RGL1: variants seen among roughly 807,000 people sequenced by gnomAD.
The protein encoded by RGL1 is ral guanine nucleotide dissociation stimulator-like 1.
RGL1 carries 24 observed loss-of-function variants against 95.2 expected under a neutral mutation model. That is an observed-to-expected ratio of 0.25 (90% CI 0.18 to 0.35). The LOEUF is 0.35. RGL1 is among the 10% of genes least tolerant of loss of function. The pLI is 1.00. For synonymous variants in RGL1, 329 were observed against 344.9 expected (o/e 0.95, Z 0.51); for missense variants, 715 against 936.3 (o/e 0.76, Z 3.08).
intron 3 of RGL1, among the ~76,000 whole-genome samples, chr1:183,862,544 T>C (rs1048617951): frequency 1.3e-5 from 2 of 152,270 alleles, no homozygotes; most frequent in African/African-American, 4.8e-5. Context: ...ATCTCAACTT[T>C]AACATCTTAA....
At chr1:183,857,457 A>G (rs1374181924) in intron 3 of RGL1, among the ~76,000 whole-genome samples, 1 of 152,184 alleles carries the variant, frequency 6.6e-6, no homozygotes, top group African/African-American at 2.4e-5. Flanking sequence ...GAAACAAGGA[A>G]TTCTTGTCAG....
intron 2 of RGL1, among the ~76,000 whole-genome samples, chr1:183,829,472 C>T (rs1412819959): frequency 6.6e-6 from 1 of 150,694 alleles, no homozygotes; most frequent in Non-Finnish European, 1.5e-5. Context: ...TCGTGATCAA[C>T]ATTTAGGAAA....
chr1:183,721,848 A>C (rs1656029449), intron 1 of RGL1, among the ~76,000 whole-genome samples: 1 of 152,212 alleles, frequency 6.6e-6, no homozygotes, highest in African/African-American at 2.4e-5. Context: ...TTTTACTTTA[A>C]GACACTTATC....
intron 2 of RGL1, among the ~76,000 whole-genome samples, chr1:183,770,111 A>G (rs928233282): frequency 6.6e-6 from 1 of 152,200 alleles, no homozygotes; most frequent in African/African-American, 2.4e-5. Context: ...GCATGTCCAG[A>G]CTGAAACAGT....
chr1:183,914,054 A>G (rs1258142247), intron 15 of RGL1, among the ~76,000 whole-genome samples: 1 of 152,158 alleles, frequency 6.6e-6, no homozygotes, highest in Non-Finnish European at 1.5e-5. Context: ...CAGTCTCATC[A>G]TTCACTTTTT....
intron 1 of RGL1, chr1:183,648,275 C>G: frequency 6.2e-7 from 1 of 1,614,150 alleles, no homozygotes; most frequent in East Asian, 2.2e-5. Context: ...CTTCGCGGTT[C>G]CATGCTGAGG....
At chr1:183,647,617 T>A in intron 1 of RGL1, 1 of 1,504,570 alleles carries the variant, frequency 6.6e-7, no homozygotes, top group Non-Finnish European at 8.8e-7. Flanking sequence ...AGTTTCCAGA[T>A]TTTTATTGCC....
At chr1:183,871,786 AGATT>A (rs1276143356) in intron 4 of RGL1, among the ~76,000 whole-genome samples, 2 of 152,252 alleles carry the variant, frequency 1.3e-5, no homozygotes, top group African/African-American at 4.8e-5. Context: ...AAAAAGTATC[AGATT>A]GTGCAGGGAC....
intron 2 of RGL1, among the ~76,000 whole-genome samples, chr1:183,844,106 G>C (rs539284683): frequency 1.3e-5 from 2 of 152,158 alleles, no homozygotes; most frequent in Non-Finnish European, 2.9e-5. Context: ...GATTACAGGC[G>C]TGAGCCACCG....
intron 2 of RGL1, among the ~76,000 whole-genome samples, chr1:183,764,226 C>T (rs1202272254): frequency 6.6e-6 from 1 of 152,190 alleles, no homozygotes; most frequent in African/African-American, 2.4e-5. Flanking sequence ...GGTTTGAGTG[C>T]TTCAGCCAAG....
chr1:183,764,341 A>AG (rs1179991715), intron 2 of RGL1, among the ~76,000 whole-genome samples: 1 of 152,122 alleles, frequency 6.6e-6, no homozygotes, highest in Non-Finnish European at 1.5e-5. Context: ...GGAATCAGGG[A>AG]GGAGTAAGGA....
At chr1:183,757,866 A>G (rs1277657885) in intron 2 of RGL1, among the ~76,000 whole-genome samples, 2 of 152,200 alleles carry the variant, frequency 1.3e-5, no homozygotes, top group African/African-American at 4.8e-5. Context: ...TCTTTGTTCT[A>G]TAATCTCCTC....
chr1:183,829,481 A>G (rs1663109098), intron 2 of RGL1, among the ~76,000 whole-genome samples: 1 of 151,790 alleles, frequency 6.6e-6, no homozygotes, highest in East Asian at 1.9e-4. Context: ...ACATTTAGGA[A>G]ATTTTGCTCC....
chr1:183,906,265 A>G (rs1011941028), intron 13 of RGL1, among the ~76,000 whole-genome samples: 3 of 152,210 alleles, frequency 2.0e-5, no homozygotes, highest in African/African-American at 7.2e-5. Flanking sequence ...AACGAAATAC[A>G]TCTACTGTCT....
intron 2 of RGL1, among the ~76,000 whole-genome samples, chr1:183,786,712 T>C (rs1660197946): frequency 6.6e-6 from 1 of 152,140 alleles, no homozygotes; most frequent in Non-Finnish European, 1.5e-5. Context: ...TGGACAAATG[T>C]TCTAAGGAAA....
chr1:183,775,534 A>G (rs1394683098), intron 2 of RGL1, among the ~76,000 whole-genome samples: 1 of 152,226 alleles, frequency 6.6e-6, no homozygotes, highest in African/African-American at 2.4e-5. Context: ...GCAGAATTTG[A>G]GGATATAGGC....
At chr1:183,650,475 A>G (rs895816359) in intron 1 of RGL1, among the ~76,000 whole-genome samples, 8 of 152,226 alleles carry the variant, frequency 5.3e-5, no homozygotes, top group East Asian at 3.9e-4. Flanking sequence ...CCCAGGAGGC[A>G]GAGCTTGCAG....
intron 4 of RGL1, among the ~76,000 whole-genome samples, chr1:183,869,644 A>G (rs1042905203): frequency 4.6e-5 from 7 of 151,382 alleles, no homozygotes; most frequent in Non-Finnish European, 1.0e-4. Context: ...CACATCTTTT[A>G]TTGTTTTTCA....
intron 3 of RGL1, among the ~76,000 whole-genome samples, chr1:183,858,620 G>C (rs1419629035): frequency 6.6e-6 from 1 of 152,134 alleles, no homozygotes; most frequent in African/African-American, 2.4e-5. Flanking sequence ...CATCTAAAAG[G>C]GGAAGATACT....
Sources: gnomAD v4.1 joint callset for allele counts (sites outside exome capture counted in the v4.1 genomes callset) on GRCh38, gnomAD v4.1.1 for gene constraint, MANE v1.5 for transcripts, NCBI Gene and HGNC (gene_info 2026-07-23, HGNC 2026-07-21) for gene names.